The following ANK1 variants were observed in gnomAD, a reference collection of about 807,000 sequenced individuals.
ANK1 encodes ankyrin 1, also known as ankyrin-1.
ANK1 carries 51 observed loss-of-function variants against 210.4 expected under a neutral mutation model. That is an observed-to-expected ratio of 0.24 (90% confidence interval 0.19 to 0.31). The LOEUF (loss-of-function observed/expected upper bound fraction) is 0.31. ANK1 is among the 10% of genes least tolerant of loss of function. The probability of loss-of-function intolerance (pLI) is 1.00; values close to 1 mark genes in which losing one functional copy is unlikely to be tolerated. For missense variants in ANK1, 2,051 were observed against 2,504.4 expected (o/e 0.82, Z 3.86); for synonymous variants, 967 against 1,025.9 (o/e 0.94, Z 1.10).
At chr8:41,789,542 C>T (rs1847174742) in intron 1 of ANK1, among the ~76,000 whole-genome samples, 1 of 152,186 alleles carries the variant, frequency 6.6e-6, no homozygotes, top group South Asian at 2.1e-4. Context: ...GCTGCTGGGC[C>T]CCTGCGGTCA....
In ANK1 at chr8:41,695,168, C is replaced by G. The variant is rs150850103; in HGVS notation, c.3115+9G>C. The G allele has an allele frequency of 5.1e-4, 826 of 1,614,064 alleles. 5 individuals are homozygous for G. In the African/African-American group the frequency reaches 9.9e-3, roughly 19 times the overall value. On this transcript the variant is annotated intron_variant, in intron 27 of 42. Transcript: ENST00000289734. ...GAGGGGACCCAGCCCTGGGATCCCC[C>G]GCCCCTACCTTCGTCCATCCCGTTG...
At chr8:41,720,765 T>C (rs912952025) in intron 9 of ANK1, among the ~76,000 whole-genome samples, 1 of 152,006 alleles carries the variant, frequency 6.6e-6, no homozygotes, top group African/African-American at 2.4e-5. Context: ...AGGAGCTGAA[T>C]GGAAGTTCAC....
Position 41,749,110 on chromosome 8 carries a change from G to A in ANK1, c.129+8926C>T, listed in dbSNP as rs184722978. Among the ~76,000 whole-genome samples the A allele has an allele frequency of 1.9e-4, 29 of 152,110 alleles. No individual in the cohort carries two copies. The South Asian group carries it at 2.5e-3, about 13-fold the overall frequency. On this transcript the variant is annotated intron_variant, in intron 2 of 42. Transcript: ENST00000289734. ...TGTACTCCTTCAGGATGGCACTTACGATACTGAATTTGTAATCTTTTATCT... is the reference window on the plus strand; with the variant it reads ...TGTACTCCTTCAGGATGGCACTTACAATACTGAATTTGTAATCTTTTATCT...
intron 1 of ANK1, among the ~76,000 whole-genome samples, chr8:41,860,165 T>C (rs2150817636): frequency 6.6e-6 from 1 of 152,310 alleles, no homozygotes; most frequent in South Asian, 2.1e-4. Flanking sequence ...TAGATGGACA[T>C]TTAAAAATTC....
intron 11 of ANK1, 29 bp from the exon 12 acceptor site, chr8:41,717,731 A>G: frequency 6.6e-7 from 1 of 1,518,248 alleles, no homozygotes; most frequent in Non-Finnish European, 9.0e-7. Flanking sequence ...GAGTCCGATA[A>G]GTGGGAGTCT....
chr8:41,851,174 A>AATTTTATT (rs1811159441), intron 1 of ANK1, among the ~76,000 whole-genome samples: 3 of 152,242 alleles, frequency 2.0e-5, no homozygotes, highest in African/African-American at 7.2e-5. Flanking sequence ...GAAATCGACC[A>AATTTTATT]AATCATGATC....
intron 2 of ANK1, among the ~76,000 whole-genome samples, chr8:41,756,434 G>A (rs1351880310): frequency 2.0e-5 from 3 of 149,382 alleles, no homozygotes; most frequent in South Asian, 2.1e-4. Flanking sequence ...GTGAGCCACC[G>A]CGCCCGGTCT....
intron 1 of ANK1, among the ~76,000 whole-genome samples, chr8:41,770,068 G>A (rs1285076190): frequency 2.4e-5 from 3 of 123,014 alleles, no homozygotes; most frequent in Admixed American, 1.1e-4. Context: ...TGCAACCCCC[G>A]CCTCCCAGGT....
At position 41,733,838 on chromosome 8, in the gene ANK1, C is replaced by G. The variant is rs3816259; in HGVS notation, c.228+133G>C. ...CAGGCAGCTTCAGGGATTCAGAGAA[C>G]TAAAAAGTGATTGGAAGGATAAGAG... On this transcript the variant is annotated intron_variant, in intron 3 of 42. Transcript: ENST00000289734. 250 of 785,078 alleles carry G rather than the reference C, an allele frequency of 3.2e-4. No individual in the cohort carries two copies. The East Asian group carries it at 6.5e-3, about 20-fold the overall frequency. The allele number at this position is 785,078 out of a possible 1,614,324, so 48.6% of individuals were successfully genotyped here.
intron 1 of ANK1, among the ~76,000 whole-genome samples, chr8:41,818,547 C>T (rs1242869066): frequency 6.6e-6 from 1 of 152,012 alleles, no homozygotes; most frequent in Non-Finnish European, 1.5e-5. Context: ...TTTATTTATC[C>T]CAGAGGTAGT....
chr8:41,869,700 T>C (rs1457843755), intron 1 of ANK1, among the ~76,000 whole-genome samples: 1 of 152,218 alleles, frequency 6.6e-6, no homozygotes, highest in East Asian at 1.9e-4. Context: ...CACAAAGGCC[T>C]GTGCCTGCCG....
chr8:41,881,027 G>A (rs1817488122), intron 1 of ANK1, among the ~76,000 whole-genome samples: 1 of 152,262 alleles, frequency 6.6e-6, no homozygotes, highest in African/African-American at 2.4e-5. Context: ...TCTTGCCAGA[G>A]TACAGAGAGT....
intron 2 of ANK1, among the ~76,000 whole-genome samples, chr8:41,737,329 G>A (rs1378764553): frequency 1.3e-5 from 2 of 152,108 alleles, no homozygotes; most frequent in South Asian, 2.1e-4. Flanking sequence ...AACCCAAAAC[G>A]ATGTGTTTCT....
chr8:41,661,050 T>C, intron 42 of ANK1: 1 of 262,610 alleles, frequency 3.8e-6, no homozygotes, highest in Non-Finnish European at 7.4e-6. Context: ...CTTTTTTTTT[T>C]CTTTTTTTTG....
rs144821829 is a variant in ANK1, at chr8:41,694,637, C to T, written c.3282G>A (p.Thr1094=). 321 of 1,614,064 alleles carry T rather than the reference C, an allele frequency of 2.0e-4. 2 individuals are homozygous for T. The highest frequency in any genetic ancestry group is 3.8e-4 in the Admixed American group (23 of 60,016). The change falls in exon 28 of 43, where the codon ACG becomes ACA. Residue 1094 remains threonine, a synonymous_variant. Transcript: ENST00000289734. This position sits in a 1 kb window ranked among gnomAD's most constrained non-coding sequence, Gnocchi z 5.7. The stretch of plus-strand genomic sequence containing the variant: ...TCTTGGTGACGGCATTCTCCGGGAA[C>T]GTTGCCTGTACCAGGGGCACCAGCT... The part of the protein sequence containing the change: ...KSKLVPLVQA[T]FPENAVTKRV...
intron 1 of ANK1, among the ~76,000 whole-genome samples, chr8:41,893,464 C>T (rs755258794): frequency 1.2e-4 from 18 of 152,170 alleles, no homozygotes; most frequent in Non-Finnish European, 2.2e-4. Flanking sequence ...TCAGTCAGTG[C>T]GTCACAACAC....
At chr8:41,893,124 C>T (rs1390590096) in intron 1 of ANK1, among the ~76,000 whole-genome samples, 2 of 152,164 alleles carry the variant, frequency 1.3e-5, no homozygotes, top group African/African-American at 2.4e-5. Context: ...TCCTCTTCTC[C>T]TCCTACCCTC....
At chr8:41,800,105 C>T (rs1224900743), upstream of ANK1, among the ~76,000 whole-genome samples, 3 of 152,158 alleles carry the variant, frequency 2.0e-5, no homozygotes, top group Non-Finnish European at 2.9e-5. Context: ...AAATGCAGGG[C>T]CAGGCTTTTA....
At chr8:41,684,088 G>C (rs1348733600) in intron 37 of ANK1, among the ~76,000 whole-genome samples, 1 of 152,212 alleles carries the variant, frequency 6.6e-6, no homozygotes, top group African/African-American at 2.4e-5. Flanking sequence ...TAGACCTTGG[G>C]CCAGGAATCT....
Sources: gnomAD v4.1 joint callset for allele counts (sites outside exome capture counted in the v4.1 genomes callset) on GRCh38, gnomAD v4.1.1 for gene constraint, Gnocchi (gnomAD v3.1) non-coding constraint, MANE v1.5 for transcripts, NCBI Gene and HGNC (gene_info 2026-07-23, HGNC 2026-07-21) for gene names.